Variants in MGAT4D observed in about 807,000 individuals in gnomAD.
The protein encoded by MGAT4D is alpha-1,3-mannosyl-glycoprotein 4-beta-N-acetylglucosaminyltransferase-like protein MGAT4D.
Under a neutral mutation model 15.9 loss-of-function variants are expected in MGAT4D, and 34 were observed. The observed-to-expected ratio is 2.14, with a 90% CI of 1.62 to 2.84. The LOEUF (loss-of-function observed/expected upper bound fraction) is 2.84. Among genes scored for constraint, MGAT4D ranks in the 30% most tolerant of loss-of-function variants. The pLI is 0.00. For missense variants in MGAT4D, 327 were observed against 140.2 expected, an observed-to-expected ratio of 2.33 and a Z score of -6.73; for synonymous variants, 112 against 48.2, an observed-to-expected ratio of 2.33 and a Z score of -5.49.
intron 6 of MGAT4D, among the ~76,000 whole-genome samples, chr4:140,462,321 A>C (rs1203069843): frequency 2.6e-5 from 4 of 152,162 alleles, no homozygotes; most frequent in Non-Finnish European, 5.9e-5. Flanking sequence ...GTCTTGTTCA[A>C]ATGAAAGTAT....
chr4:140,456,741 G>T, intron 8 of MGAT4D, 22 bp from the exon 9 acceptor site: 2 of 630,248 alleles, frequency 3.2e-6, no homozygotes, highest in Non-Finnish European at 5.7e-6. Flanking sequence ...AATACAATTA[G>T]ATGCAAATAA....
chr4:140,460,060 C>A (rs938864324), intron 7 of MGAT4D, among the ~76,000 whole-genome samples: 1 of 152,116 alleles, frequency 6.6e-6, no homozygotes, highest in Non-Finnish European at 1.5e-5. Context: ...GTATGAGACA[C>A]CACACCCTGC....
chr4:140,442,288 T>C lies in MGAT4D; in HGVS notation c.*1148A>G, dbSNP rs1729830986. 1.3e-5 allele frequency: 2 copies of C among 152,178 alleles called. No homozygotes were observed. 9.4% of individuals were successfully genotyped at this position (152,178 alleles called of 1,614,324 possible). On this transcript the variant is annotated 3_prime_UTR_variant, in exon 11 of 11. Transcript: ENST00000511113. Reference sequence around the variant, plus strand: ...TCGTCTTTCATATTATCTTTATAAATTGGTATTTGATACAGTTCATACTGA... The same window carrying C: ...TCGTCTTTCATATTATCTTTATAAACTGGTATTTGATACAGTTCATACTGA...
At chr4:140,474,735 A>G (rs978627672) in intron 4 of MGAT4D, 78 bp downstream of exon 4, 3 of 474,252 alleles carry the variant, frequency 6.3e-6, no homozygotes, top group African/African-American at 4.0e-5. Context: ...ACATGGTACA[A>G]TGATTATTAC....
intron 2 of MGAT4D, among the ~76,000 whole-genome samples, chr4:140,481,299 G>GT (rs1182351019): frequency 1.3e-5 from 2 of 152,010 alleles, no homozygotes; most frequent in Admixed American, 6.6e-5. Context: ...GCAAGAGCCT[G>GT]TTTTAAAAAA....
chr4:140,470,283 A>G (rs974234934), intron 5 of MGAT4D, among the ~76,000 whole-genome samples: 1 of 152,016 alleles, frequency 6.6e-6, no homozygotes, highest in African/African-American at 2.4e-5. Context: ...AGTTCCCCCA[A>G]CCCTCTCACT....
intron 5 of MGAT4D, among the ~76,000 whole-genome samples, chr4:140,471,227 TTTCC>T (rs200186471): frequency 0.13 from 17,532 of 133,534 alleles, 1,228 homozygotes; most frequent in Middle Eastern, 0.18. Flanking sequence ...CTCCTTTTTG[TTTCC>T]TTCCTTCCTT....
intron 1 of MGAT4D, among the ~76,000 whole-genome samples, chr4:140,484,151 A>AC (rs1211893728): frequency 6.6e-6 from 1 of 152,198 alleles, no homozygotes; most frequent in Non-Finnish European, 1.5e-5. Flanking sequence ...ATATTTGCAA[A>AC]CCATACATCT....
At chr4:140,479,800 C>A (rs6813662) in intron 2 of MGAT4D, among the ~76,000 whole-genome samples, 173 bp from the exon 3 acceptor site, 1 of 151,818 alleles carries the variant, frequency 6.6e-6, no homozygotes, top group African/African-American at 2.4e-5. Flanking sequence ...TATAGCTCAA[C>A]TATTATTTAT....
intron 8 of MGAT4D, chr4:140,457,679 G>A (rs958306906): frequency 7.9e-5 from 12 of 152,232 alleles, no homozygotes; most frequent in South Asian, 2.1e-4. Flanking sequence ...CCCATAAATA[G>A]TGCTCCTTGT....
At chr4:140,461,472 T>C (rs1467054795) in intron 7 of MGAT4D, among the ~76,000 whole-genome samples, 1 of 152,122 alleles carries the variant, frequency 6.6e-6, no homozygotes, top group Non-Finnish European at 1.5e-5. Context: ...CTTTTACAAA[T>C]ACAGTAAGGC....
intron 1 of MGAT4D, among the ~76,000 whole-genome samples, chr4:140,485,351 T>G (rs1474733215): frequency 3.3e-5 from 5 of 151,120 alleles, no homozygotes; most frequent in Non-Finnish European, 7.4e-5. Flanking sequence ...AATTGAACAA[T>G]GAGAACACAT....
At chr4:140,485,361 T>C (rs939386081) in intron 1 of MGAT4D, among the ~76,000 whole-genome samples, 1 of 150,930 alleles carries the variant, frequency 6.6e-6, no homozygotes, top group African/African-American at 2.4e-5. Context: ...TGAGAACACA[T>C]GGACACAGGA....
At chr4:140,485,847 A>AAAAAAAAAAAAAAAAAAAAAAC (rs1733087890) in intron 1 of MGAT4D, among the ~76,000 whole-genome samples, 1 of 133,852 alleles carries the variant, frequency 7.5e-6, no homozygotes, top group Non-Finnish European at 1.6e-5. Flanking sequence ...AAAAAAAAAA[A>AAAAAAAAAAAAAAAAAAAAAAC]AGCAATGATG....
At chr4:140,467,055 A>G (rs1213226681) in intron 5 of MGAT4D, among the ~76,000 whole-genome samples, 2 of 152,120 alleles carry the variant, frequency 1.3e-5, no homozygotes, top group African/African-American at 4.8e-5. Context: ...TTCAAAATAC[A>G]TGCTGGAATT....
intron 10 of MGAT4D, among the ~76,000 whole-genome samples, chr4:140,451,069 G>C (rs1730443392): frequency 6.6e-6 from 1 of 152,128 alleles, no homozygotes; most frequent in Admixed American, 6.6e-5. Context: ...TTTTATTTTT[G>C]AAATATTCTA....
In MGAT4D at chr4:140,467,494, A is replaced by C. The variant is rs571587935; in HGVS notation, c.573-2485T>G. On this transcript the variant is annotated intron_variant, in intron 5 of 10. Coordinates refer to ENST00000511113, the MANE Select transcript of MGAT4D (RefSeq NM_001277353.2). ...CAAAGTCCAAAAAGCACCAAAAGTT[A>C]CGTTACAATTTCTACTTTGATGATA... 6.5e-3 allele frequency among the ~76,000 whole-genome samples: 991 copies of C among 152,238 alleles called. 9 individuals carry two copies. The highest frequency in any genetic ancestry group is 0.023 in the African/African-American group (939 of 41,564).
chr4:140,482,460 G>T lies in MGAT4D; in HGVS notation c.120C>A (p.Asn40Lys). 1.6e-6 allele frequency: 1 copy of T among 628,546 alleles called. No individual in the cohort carries two copies. The highest frequency in any genetic ancestry group is 1.9e-5 in the African/African-American group (1 of 52,576). 38.9% of individuals were successfully genotyped at this position (628,546 alleles called of 1,614,324 possible). The change falls in exon 2 of 11, where the codon AAC becomes AAA. Residue 40 changes from asparagine (N) to lysine (K), a missense_variant. By Grantham distance (94) the Asn-to-Lys change is moderately conservative. Coordinates refer to ENST00000511113, the MANE Select transcript of MGAT4D (RefSeq NM_001277353.2). ...TATTTTCTTTAAACTCCAAAATATGGTTTCTACAGTTAATTAATTGATTAT... is the reference window on the plus strand; with the variant it reads ...TATTTTCTTTAAACTCCAAAATATGTTTTCTACAGTTAATTAATTGATTAT... ...QTNNQLINCR[N>K]HILEFKENML...
intron 5 of MGAT4D, among the ~76,000 whole-genome samples, chr4:140,470,488 TG>T (rs1731854153): frequency 6.6e-6 from 1 of 152,244 alleles, no homozygotes; most frequent in Admixed American, 6.5e-5. Flanking sequence ...AGGCCACATT[TG>T]CAGCCCTGGT....
Sources: gnomAD v4.1 joint callset for allele counts (sites outside exome capture counted in the v4.1 genomes callset) on GRCh38, gnomAD v4.1.1 for gene constraint, MANE v1.5 for transcripts, NCBI Gene and HGNC (gene_info 2026-07-23, HGNC 2026-07-21) for gene names.